Variants in ZDHHC21 observed in about 807,000 individuals in gnomAD.
ZDHHC21 encodes the protein palmitoyltransferase ZDHHC21.
A neutral mutation model predicts 34.6 loss-of-function variants in ZDHHC21; 15 were observed. The observed-to-expected ratio is 0.43, with a 90% CI of 0.29 to 0.67. The LOEUF is 0.67. ZDHHC21 is among the 30% of genes least tolerant of loss of function. The pLI, the probability that ZDHHC21 is intolerant of heterozygous loss-of-function variation, is 0.14. For missense variants in ZDHHC21, 344 were observed against 327.7 expected, an observed-to-expected ratio of 1.05 and a Z score of -0.38; for synonymous variants, 142 against 101.8, an observed-to-expected ratio of 1.40 and a Z score of -2.38.
At chr9:14,634,794 C>G (rs1827982142) in intron 8 of ZDHHC21, among the ~76,000 whole-genome samples, 1 of 152,030 alleles carries the variant, frequency 6.6e-6, no homozygotes, top group African/African-American at 2.4e-5. Context: ...CATAAAAAAG[C>G]AGGAAATATG....
At chr9:14,608,580 T>A (rs1823093613), downstream of ZDHHC21, among the ~76,000 whole-genome samples, 1 of 152,150 alleles carries the variant, frequency 6.6e-6, no homozygotes, top group Non-Finnish European at 1.5e-5. Context: ...GGGCCTAATT[T>A]GAAAATACTA....
intron 3 of ZDHHC21, among the ~76,000 whole-genome samples, chr9:14,679,252 C>T (rs1213636943): frequency 6.6e-6 from 1 of 151,986 alleles, no homozygotes; most frequent in South Asian, 2.1e-4. Flanking sequence ...AAATGAATCC[C>T]CCATATTAAT....
intron 5 of ZDHHC21, among the ~76,000 whole-genome samples, chr9:14,670,333 C>T (rs754611659): frequency 6.6e-6 from 1 of 152,078 alleles, no homozygotes; most frequent in Non-Finnish European, 1.5e-5. Flanking sequence ...CTACAGTCTG[C>T]AGGCAAATCC....
chr9:14,672,874 G>C lies in ZDHHC21; in HGVS notation c.209C>G (p.Thr70Ser), dbSNP rs1043312079. 8 of 1,608,900 alleles carry C rather than the reference G, an allele frequency of 5.0e-6. No homozygotes were observed. The African/African-American group carries it at 9.4e-5, about 19-fold the overall frequency. ...GTTCTCAGGGAGTCTTCCTGGATCA[G>C]TTATGGAGGCCCTCACTAAGGCAAC... Reference protein sequence around the residue: ...CLVALVRASITDPGRLPENPK... With the variant: ...CLVALVRASISDPGRLPENPK... The change falls in exon 5 of 10, where the codon ACT becomes AGT. Residue 70 changes from threonine to serine, a missense_variant. Coordinates refer to ENST00000380916, the MANE Select transcript of ZDHHC21 (RefSeq NM_178566.6).
At chr9:14,646,098 G>C (rs577236035) in intron 7 of ZDHHC21, among the ~76,000 whole-genome samples, 91 of 152,146 alleles carry the variant, frequency 6.0e-4, no homozygotes, top group Middle Eastern at 3.4e-3. Flanking sequence ...GAATAAACAA[G>C]GCTGCTCACA....
At chr9:14,661,532 A>G (rs1008047578) in intron 6 of ZDHHC21, among the ~76,000 whole-genome samples, 1 of 152,362 alleles carries the variant, frequency 6.6e-6, no homozygotes, top group East Asian at 1.9e-4. Flanking sequence ...ATTAAATACA[A>G]TATCTTGTTC....
intron 5 of ZDHHC21, among the ~76,000 whole-genome samples, chr9:14,665,381 C>CGATT (rs1834231259): frequency 1.4e-5 from 2 of 140,180 alleles, no homozygotes; most frequent in Non-Finnish European, 3.1e-5. Context: ...ATTGGTGTAC[C>CGATT]TGAAAGTGAT....
chr9:14,591,257 C>G, the ZDHHC21 span, among the ~76,000 whole-genome samples: 1 of 152,046 alleles, frequency 6.6e-6, no homozygotes, highest in Non-Finnish European at 1.5e-5. Context: ...TAATTCCTAA[C>G]ATAATGGTAT....
chr9:14,654,098 C>T, intron 7 of ZDHHC21, among the ~76,000 whole-genome samples: 1 of 151,902 alleles, frequency 6.6e-6, no homozygotes, highest in East Asian at 1.9e-4. Context: ...CTCAGAACAT[C>T]CTGCAAAATC....
chr9:14,675,422 C>T (rs980354740), intron 3 of ZDHHC21, among the ~76,000 whole-genome samples: 28 of 151,896 alleles, frequency 1.8e-4, no homozygotes, highest in African/African-American at 6.3e-4. Flanking sequence ...TATTCCCAGA[C>T]CCCATTCTAC....
chr9:14,634,624 A>G (rs1827949805), intron 8 of ZDHHC21, among the ~76,000 whole-genome samples: 1 of 152,194 alleles, frequency 6.6e-6, no homozygotes, highest in Admixed American at 6.5e-5. Flanking sequence ...CAGCAACTAT[A>G]ATACTGCACA....
At position 14,678,383 on chromosome 9, in the gene ZDHHC21, C is replaced by G. The variant is rs75552140; in HGVS notation, c.-46+1650G>C. ...TGGAAAAAATACTGCAACACATGACCGACAAGAGGCATACAACATAAATAT... is the reference window on the plus strand; with the variant it reads ...TGGAAAAAATACTGCAACACATGACGGACAAGAGGCATACAACATAAATAT... On this transcript the variant is annotated intron_variant, in intron 3 of 9. Transcript: ENST00000380916. 1.8e-3 allele frequency among the ~76,000 whole-genome samples: 269 copies of G among 151,762 alleles called. 1 individual carries two copies. The highest frequency in any genetic ancestry group is 6.8e-3 in the Middle Eastern group (2 of 294).
chr9:14,617,517 G>C lies in ZDHHC21; in HGVS notation c.*1449C>G, dbSNP rs999053656. 5.3e-5 allele frequency: 8 copies of C among 151,884 alleles called. No individual in the cohort carries two copies. The highest frequency in any genetic ancestry group is 1.7e-4 in the African/African-American group (7 of 41,398). The allele number at this position is 151,884 out of a possible 1,614,324, so 9.4% of individuals were successfully genotyped here. A position where few individuals can be genotyped will look rare whatever the true frequency, so the allele number is the denominator to read the frequency against. ...GTATTGTTCCTTACTTTCAAAACTA[G>C]CTAAAAGGAAAATGTTAGCATGGTT... On this transcript the variant is annotated 3_prime_UTR_variant, in exon 10 of 10. Coordinates refer to ENST00000380916, the MANE Select transcript of ZDHHC21 (RefSeq NM_178566.6).
the ZDHHC21 span, among the ~76,000 whole-genome samples, chr9:14,598,586 T>C: frequency 1.8e-3 from 269 of 152,016 alleles, 4 homozygotes; most frequent in East Asian, 0.04. Flanking sequence ...ACAATGATTC[T>C]CCATCAAAAG....
At chr9:14,661,961 TC>T (rs1364724158) in intron 6 of ZDHHC21, among the ~76,000 whole-genome samples, 1 of 152,182 alleles carries the variant, frequency 6.6e-6, no homozygotes, top group Non-Finnish European at 1.5e-5. Context: ...ACCACCTTAA[TC>T]CTTTTGTATA....
At position 14,662,323 on chromosome 9, in the gene ZDHHC21, C is replaced by G. The variant is rs1327230413; in HGVS notation, c.257G>C (p.Arg86Thr). Residue 86 changes from arginine to threonine, a missense_variant, in exon 6 of 10, where the codon AGG (arginine) becomes ACG (threonine). Coordinates refer to ENST00000380916, the MANE Select transcript of ZDHHC21 (RefSeq NM_178566.6). ...CTTGTTACATAATTCCCAGAACTCC[C>G]TTTCTAAAGAAAAGAAATTAAAATC... is the stretch of plus-strand genomic sequence containing the variant. ...PENPKIPHGE[R>T]EFWELCNKCN... 2 of 1,601,830 alleles carry G rather than the reference C, an allele frequency of 1.2e-6. No homozygotes were observed. The highest frequency in any genetic ancestry group is 3.5e-5 in the Admixed American group (2 of 56,812).
chr9:14,598,149 TC>T, the ZDHHC21 span, among the ~76,000 whole-genome samples: 1 of 152,006 alleles, frequency 6.6e-6, no homozygotes, highest in Admixed American at 6.6e-5. Context: ...CAAGGATTAG[TC>T]CACCTAGACC....
chr9:14,689,117 C>T (rs1476937663), intron 2 of ZDHHC21, among the ~76,000 whole-genome samples: 3 of 152,146 alleles, frequency 2.0e-5, no homozygotes, highest in African/African-American at 4.8e-5. Context: ...AGTCTGTGAA[C>T]TAGTCAAAAA....
the ZDHHC21 span, among the ~76,000 whole-genome samples, chr9:14,604,727 C>T: frequency 5.9e-5 from 9 of 152,112 alleles, no homozygotes; most frequent in African/African-American, 2.2e-4. Context: ...TGAGATCAAT[C>T]CTCTTAGTAA....
Sources: allele counts gnomAD v4.1 joint callset (sites outside exome capture counted in the v4.1 genomes callset), GRCh38; gene constraint gnomAD v4.1.1; transcripts MANE v1.5; gene names NCBI Gene and HGNC (gene_info 2026-07-23, HGNC 2026-07-21).